The following ADCY2 variants were observed in gnomAD, a reference collection of about 807,000 sequenced individuals.
ADCY2 encodes adenylate cyclase 2.
Under a neutral mutation model 125.2 loss-of-function variants are expected in ADCY2, and 31 were observed. The ratio of observed to expected loss-of-function variants is 0.25; its 90% confidence interval spans 0.19 to 0.33. The LOEUF (loss-of-function observed/expected upper bound fraction) is 0.33. Among genes scored for constraint, ADCY2 ranks in the 10% least tolerant of loss-of-function variants. The pLI is 1.00. For synonymous variants in ADCY2, 512 were observed against 548.4 expected, an observed-to-expected ratio of 0.93 and a Z score of 0.93; for missense variants, 904 against 1,418.2, an observed-to-expected ratio of 0.64 and a Z score of 5.82.
intron 1 of ADCY2, among the ~76,000 whole-genome samples, chr5:7,403,019 C>T (rs1366258276): frequency 6.6e-6 from 1 of 152,136 alleles, no homozygotes; most frequent in Non-Finnish European, 1.5e-5. Context: ...TGCTGTCTCT[C>T]AGACATGATG....
intron 3 of ADCY2, among the ~76,000 whole-genome samples, chr5:7,573,593 CT>C (rs763347773): frequency 0.021 from 1,798 of 86,346 alleles, 19 homozygotes; most frequent in African/African-American, 0.067. Flanking sequence ...GGTTGATTTT[CT>C]TTTTTTTTTT....
At chr5:7,655,882 A>G (rs1739305769) in intron 4 of ADCY2, among the ~76,000 whole-genome samples, 1 of 152,142 alleles carries the variant, frequency 6.6e-6, no homozygotes, top group East Asian at 1.9e-4. Context: ...CAGAGTCTCC[A>G]CAGTCTGGGT....
intron 3 of ADCY2, among the ~76,000 whole-genome samples, chr5:7,557,201 A>ATATG: frequency 0.085 from 11,906 of 140,060 alleles, 832 homozygotes; most frequent in Non-Finnish European, 0.13. Context: ...TGATATATAT[A>ATATG]ACTCAAGTGA....
intron 2 of ADCY2, among the ~76,000 whole-genome samples, chr5:7,446,540 AC>A (rs1741260254): frequency 8.0e-6 from 1 of 124,610 alleles, no homozygotes; most frequent in Non-Finnish European, 1.8e-5. Context: ...TGAAATAAAT[AC>A]ATACATACAT....
At chr5:7,675,623 T>C (rs1740098143) in intron 4 of ADCY2, among the ~76,000 whole-genome samples, 1 of 152,242 alleles carries the variant, frequency 6.6e-6, no homozygotes, top group Non-Finnish European at 1.5e-5. Context: ...ATTAATTCCT[T>C]TAACCCTGCG....
chr5:7,686,374 C>T (rs1017315339), intron 4 of ADCY2, among the ~76,000 whole-genome samples: 2 of 152,120 alleles, frequency 1.3e-5, no homozygotes, highest in African/African-American at 4.8e-5. Flanking sequence ...TTATATCAGA[C>T]ATAATTTAAA....
intron 3 of ADCY2, among the ~76,000 whole-genome samples, chr5:7,523,310 A>G (rs1198201534): frequency 8.0e-6 from 1 of 124,846 alleles, no homozygotes; most frequent in Non-Finnish European, 1.7e-5. Context: ...ATTTTCCTGC[A>G]TTGGTAAAAA....
intron 3 of ADCY2, among the ~76,000 whole-genome samples, chr5:7,553,025 C>G (rs1735386922): frequency 6.6e-6 from 1 of 152,078 alleles, no homozygotes; most frequent in Non-Finnish European, 1.5e-5. Flanking sequence ...CTTTTTGTTT[C>G]TTTCAGTGCC....
intron 15 of ADCY2, among the ~76,000 whole-genome samples, chr5:7,745,618 A>G (rs1425855024): frequency 1.3e-5 from 2 of 152,290 alleles, no homozygotes; most frequent in African/African-American, 2.4e-5. Context: ...CCTCAGGTGG[A>G]AAGGCACACA....
At chr5:7,511,564 G>A (rs1315641309) in intron 2 of ADCY2, among the ~76,000 whole-genome samples, 1 of 151,378 alleles carries the variant, frequency 6.6e-6, no homozygotes, top group East Asian at 1.9e-4. Flanking sequence ...GACAGAGTAA[G>A]ACTCTGTCTC....
chr5:7,742,116 G>A (rs1446673458), intron 14 of ADCY2, among the ~76,000 whole-genome samples: 1 of 141,492 alleles, frequency 7.1e-6, no homozygotes, highest in Non-Finnish European at 1.5e-5. Context: ...AAAGCTAGGA[G>A]AGCATAGTGC....
At chr5:7,575,600 C>T (rs6875695) in intron 3 of ADCY2, among the ~76,000 whole-genome samples, 74,763 of 151,774 alleles carry the variant, frequency 0.49, 19,300 homozygotes, top group Non-Finnish European at 0.57. Flanking sequence ...AGGACTTCCT[C>T]GGTCCTAAAT....
At chr5:7,788,559 C>T (rs1043208201) in intron 19 of ADCY2, among the ~76,000 whole-genome samples, 2 of 152,192 alleles carry the variant, frequency 1.3e-5, no homozygotes, top group African/African-American at 4.8e-5. Context: ...ATAAATGCCA[C>T]ACCAGAGGAG....
intron 3 of ADCY2, among the ~76,000 whole-genome samples, chr5:7,539,737 ACTC>A (rs1482604580): frequency 6.6e-6 from 1 of 152,178 alleles, no homozygotes; most frequent in African/African-American, 2.4e-5. Context: ...GGTGGCTACT[ACTC>A]AGCTTGGCTC....
intron 3 of ADCY2, among the ~76,000 whole-genome samples, chr5:7,564,039 T>G (rs1258039832): frequency 2.0e-5 from 3 of 152,250 alleles, no homozygotes; most frequent in African/African-American, 7.2e-5. Flanking sequence ...TTATTTGATT[T>G]GCAAGTGAAT....
chr5:7,737,538 C>T (rs996510646), intron 14 of ADCY2, among the ~76,000 whole-genome samples: 6 of 152,150 alleles, frequency 3.9e-5, no homozygotes, highest in Non-Finnish European at 7.3e-5. Context: ...CAGTTCTCAT[C>T]GGCCAAACTA....
At chr5:7,589,525 A>G (rs1447848572) in intron 3 of ADCY2, among the ~76,000 whole-genome samples, 2 of 46,732 alleles carry the variant, frequency 4.3e-5, no homozygotes, top group African/African-American at 9.5e-5. Context: ...GAAAAGAAAG[A>G]GAAAGAAAGA....
chr5:7,471,323 G>A (rs182565800), intron 2 of ADCY2, among the ~76,000 whole-genome samples: 1 of 151,762 alleles, frequency 6.6e-6, no homozygotes, highest in South Asian at 2.1e-4. Flanking sequence ...TGTTCGTTTG[G>A]CATTTAAAAG....
At chr5:7,778,605 A>C (rs140619255) in intron 18 of ADCY2, among the ~76,000 whole-genome samples, 1 of 152,240 alleles carries the variant, frequency 6.6e-6, no homozygotes, top group East Asian at 1.9e-4. Flanking sequence ...GCCTCCTATC[A>C]GGAAGAGCAT....
Sources: allele counts gnomAD v4.1 joint callset (sites outside exome capture counted in the v4.1 genomes callset), GRCh38; gene constraint gnomAD v4.1.1; transcripts MANE v1.5; gene names NCBI Gene and HGNC (gene_info 2026-07-23, HGNC 2026-07-21).